SMAD3: variants seen among roughly 807,000 people sequenced by gnomAD.
SMAD3 encodes the protein MAD homolog 3.
A neutral mutation model predicts 51.8 loss-of-function variants in SMAD3; 12 were observed. The ratio of observed to expected loss-of-function variants is 0.23; its 90% CI spans 0.15 to 0.38. The LOEUF is 0.38. Among genes scored for constraint, SMAD3 ranks in the 10% least tolerant of loss-of-function variants. The probability of loss-of-function intolerance (pLI) is 1.00; values close to 1 mark genes in which losing one functional copy is unlikely to be tolerated. For synonymous variants in SMAD3, 238 were observed against 227.7 expected (o/e 1.05, Z -0.41); for missense variants, 294 against 565.6 (o/e 0.52, Z 4.87).
At chr15:67,138,669 CTG>C in intron 1 of SMAD3, 1 of 152,692 alleles carries the variant, frequency 6.5e-6, no homozygotes, top group Middle Eastern at 3.4e-3. Flanking sequence ...AGGCCTGTGA[CTG>C]TTTTCACATG....
chr15:67,101,171 A>G (rs776448380), intron 1 of SMAD3, among the ~76,000 whole-genome samples: 1 of 152,190 alleles, frequency 6.6e-6, no homozygotes, highest in Non-Finnish European at 1.5e-5. Flanking sequence ...GAAAGGGACT[A>G]ATTGTGTGCA....
At chr15:67,142,208 A>T (rs867727555) in intron 1 of SMAD3, among the ~76,000 whole-genome samples, 1 of 90,522 alleles carries the variant, frequency 1.1e-5, no homozygotes. Flanking sequence ...CACCCCCCCC[A>T]CCATTGTTTC....
intron 1 of SMAD3, among the ~76,000 whole-genome samples, chr15:67,073,947 C>A (rs542577753): frequency 7.2e-4 from 109 of 152,266 alleles, no homozygotes; most frequent in African/African-American, 2.5e-3. Flanking sequence ...TGCTGGGATT[C>A]CAGGCCTGAG....
intron 1 of SMAD3, chr15:67,098,820 G>A (rs1960680196): frequency 1.4e-6 from 1 of 696,152 alleles, no homozygotes; most frequent in African/African-American, 1.7e-5. Flanking sequence ...GGGGGTCTGA[G>A]GGCCCACTGT....
At chr15:67,147,594 T>C (rs903517214) in intron 1 of SMAD3, among the ~76,000 whole-genome samples, 4 of 152,186 alleles carry the variant, frequency 2.6e-5, no homozygotes, top group African/African-American at 9.7e-5. Context: ...CCTGTGGTTC[T>C]GAGGCTGGAA....
In SMAD3 at chr15:67,165,278, C is replaced by G. The variant is rs760233525; in HGVS notation, c.426C>G (p.Arg142=). ...TPVLPPVLVP[R]HTEIPAEFPP... ...TTCTACCTCCTGTGTTGGTGCCACGCCACACAGAGATCCCGGCCGAGTTCC... is the reference window on the plus strand; with the variant it reads ...TTCTACCTCCTGTGTTGGTGCCACGGCACACAGAGATCCCGGCCGAGTTCC... Residue 142 remains arginine, a synonymous_variant, in exon 3 of 9, where the codon CGC becomes CGG. Transcript: ENST00000327367. 2 of 1,614,226 alleles carry G rather than the reference C, an allele frequency of 1.2e-6. No homozygotes were observed. Among genetic ancestry groups the G allele is most frequent in the South Asian group, 2.2e-5 (2 of 91,086 alleles).
At chr15:67,187,621 GA>G (rs1963256495) in intron 8 of SMAD3, 112 bp downstream of exon 8, 3 of 1,384,710 alleles carry the variant, frequency 2.2e-6, no homozygotes, top group Admixed American at 3.4e-5. Flanking sequence ...GTCAAGAGCA[GA>G]AAGACCAAAG....
Position 67,114,135 on chromosome 15 carries a change from C to G in SMAD3, c.206+47775C>G, listed in dbSNP as rs79449963. 7.0e-3 allele frequency among the ~76,000 whole-genome samples: 1,065 copies of G among 152,268 alleles called. 8 individuals are homozygous for G. Among genetic ancestry groups the G allele is most frequent in the African/African-American group, 0.024 (1,014 of 41,526 alleles). ...TGTGTGCCCTTGCCCTGAGAGATGG[C>G]CGTCACTTTGGAGTGAAGGTAAGCA... On this transcript the variant is annotated intron_variant, in intron 1 of 8. Transcript: ENST00000327367.
At chr15:67,092,710 A>C (rs988980683) in intron 1 of SMAD3, among the ~76,000 whole-genome samples, 3 of 152,214 alleles carry the variant, frequency 2.0e-5, no homozygotes, top group South Asian at 2.1e-4. Flanking sequence ...GAAAAGGCAC[A>C]GGACTGGTAG....
At chr15:67,100,022 A>C (rs1475349751) in intron 1 of SMAD3, among the ~76,000 whole-genome samples, 3 of 152,030 alleles carry the variant, frequency 2.0e-5, no homozygotes, top group Non-Finnish European at 4.4e-5. Context: ...TCTCTACTAA[A>C]AATACAAAAT....
chr15:67,142,833 G>C (rs1162303579), intron 1 of SMAD3: 1 of 454,088 alleles, frequency 2.2e-6, no homozygotes. Context: ...TGGGGCAGCT[G>C]GTGGGCACCC....
intron 1 of SMAD3, among the ~76,000 whole-genome samples, chr15:67,161,211 C>A (rs994915103): frequency 2.0e-5 from 3 of 152,158 alleles, no homozygotes; most frequent in Non-Finnish European, 4.4e-5. Context: ...TGTCTTTGGA[C>A]CTTTGTTGAA....
Position 67,073,260 on chromosome 15 carries a change from A to G in SMAD3, c.206+6900A>G, listed in dbSNP as rs1338410356. On this transcript the variant is annotated intron_variant, in intron 1 of 8. Coordinates refer to ENST00000327367, the MANE Select transcript of SMAD3 (RefSeq NM_005902.4). ...TGAGAAATAAACAAATCTATAGCAT[A>G]CTATCCACTGTTGGTTATCTAAGAC... 3.9e-5 allele frequency among the ~76,000 whole-genome samples: 6 copies of G among 152,336 alleles called. No homozygotes were observed. In the South Asian group the frequency reaches 1.2e-3, roughly 32 times the overall value.
chr15:67,089,020 C>T (rs1300397941), intron 1 of SMAD3, among the ~76,000 whole-genome samples: 1 of 152,162 alleles, frequency 6.6e-6, no homozygotes, highest in African/African-American at 2.4e-5. Flanking sequence ...CCAGTAGGCT[C>T]AGAAGGAAGG....
chr15:67,110,012 G>T (rs1033454720), intron 1 of SMAD3, among the ~76,000 whole-genome samples: 6 of 152,236 alleles, frequency 3.9e-5, no homozygotes, highest in Admixed American at 3.9e-4. Flanking sequence ...GTCCACGCAG[G>T]CAAGAGATGA....
chr15:67,099,920 G>C (rs141294233), intron 1 of SMAD3, among the ~76,000 whole-genome samples: 1 of 152,146 alleles, frequency 6.6e-6, no homozygotes, highest in Non-Finnish European at 1.5e-5. Flanking sequence ...AGTGGCTTGC[G>C]CCTGTAATCC....
At chr15:67,106,977 C>A (rs572332899) in intron 1 of SMAD3, among the ~76,000 whole-genome samples, 1 of 152,026 alleles carries the variant, frequency 6.6e-6, no homozygotes, top group Non-Finnish European at 1.5e-5. Context: ...TCCAGGGAGT[C>A]CAAGTGGAGT....
At position 67,065,923 on chromosome 15, in the gene SMAD3, G is replaced by A. The variant is rs1959901926; in HGVS notation, c.-232G>A. On this transcript the variant is annotated 5_prime_UTR_variant, in exon 1 of 9. Transcript: ENST00000327367. ...CTGCACTGCTGCCGTCCGCCCGCCC[G>A]GCCGCTCTTCTCTTCGCCGTGGGAG... 2 of 213,852 alleles carry A rather than the reference G, an allele frequency of 9.4e-6. No homozygotes were observed. Among genetic ancestry groups the A allele is most frequent in the Non-Finnish European group, 1.9e-5 (2 of 106,762 alleles). 13.2% of individuals were successfully genotyped at this position (213,852 alleles called of 1,614,324 possible).
intron 1 of SMAD3, among the ~76,000 whole-genome samples, chr15:67,137,207 T>C (rs1220467630): frequency 6.6e-6 from 1 of 152,226 alleles, no homozygotes; most frequent in Non-Finnish European, 1.5e-5. Context: ...TTTTTTGTTT[T>C]GTCATTTTTT....
Sources: gnomAD v4.1 joint callset for allele counts (sites outside exome capture counted in the v4.1 genomes callset) on GRCh38, gnomAD v4.1.1 for gene constraint, MANE v1.5 for transcripts, NCBI Gene and HGNC (gene_info 2026-07-23, HGNC 2026-07-21) for gene names.